Variants in SYN2 observed in about 807,000 individuals in gnomAD.
The protein encoded by SYN2 is synapsin II.
Under a neutral mutation model 50.9 loss-of-function variants are expected in SYN2, and 19 were observed. That is an observed-to-expected ratio of 0.37 (90% CI 0.26 to 0.55). The LOEUF (loss-of-function observed/expected upper bound fraction) is 0.55. SYN2 is among the 20% of genes least tolerant of loss of function. The pLI, the probability that SYN2 is intolerant of heterozygous loss-of-function variation, is 0.81. For synonymous variants in SYN2, 255 were observed against 224.9 expected (o/e 1.13, Z -1.20); for missense variants, 587 against 576.4 (o/e 1.02, Z -0.19).
intron 1 of SYN2, among the ~76,000 whole-genome samples, chr3:12,107,095 T>C (rs889771295): frequency 2.0e-5 from 3 of 152,118 alleles, no homozygotes; most frequent in Admixed American, 6.5e-5. Flanking sequence ...GTGCTGCTAT[T>C]TCCTATACTG....
chr3:12,125,738 A>C (rs1374101581), intron 1 of SYN2, among the ~76,000 whole-genome samples: 2 of 152,162 alleles, frequency 1.3e-5, no homozygotes, highest in Non-Finnish European at 2.9e-5. Flanking sequence ...GGACATGGAC[A>C]AGAAAGAAGC....
At chr3:12,005,574 AAT>A (rs1491558070) in intron 1 of SYN2, among the ~76,000 whole-genome samples, 2 of 44,000 alleles carry the variant, frequency 4.5e-5, no homozygotes, top group Non-Finnish European at 7.3e-5. Context: ...GGACGTGTGG[AAT>A]TTTTTTTTTT....
chr3:12,139,098 G>A (rs983039933), intron 1 of SYN2, among the ~76,000 whole-genome samples: 3 of 152,286 alleles, frequency 2.0e-5, no homozygotes, highest in East Asian at 1.9e-4. Flanking sequence ...GCAGAGGTGG[G>A]GGGTGGACTT....
Position 12,185,027 on chromosome 3 carries a change from T to G in SYN2, c.1369+1655T>G, listed in dbSNP as rs1698309474. On this transcript the variant is annotated intron_variant, in intron 11 of 12. Coordinates refer to ENST00000621198, the MANE Select transcript of SYN2 (RefSeq NM_133625.6). ...CGTATCCAGGGGCTTGTGCCTTGGTTTCTCCTTTGATTGCTGGTAAATTCT... is the reference window on the plus strand; with the variant it reads ...CGTATCCAGGGGCTTGTGCCTTGGTGTCTCCTTTGATTGCTGGTAAATTCT... The G allele has an allele frequency of 3.0e-6, 3 of 985,738 alleles. No individual in the cohort carries two copies. In the African/African-American group the frequency reaches 5.2e-5, roughly 17 times the overall value. The allele number at this position is 985,738 out of a possible 1,614,324, so 61.1% of individuals were successfully genotyped here. A position where few individuals can be genotyped will look rare whatever the true frequency, so the allele number is the denominator to read the frequency against.
In SYN2 at chr3:12,022,902, C is replaced by T. The variant is rs189675407; in HGVS notation, c.377+17974C>T. On this transcript the variant is annotated intron_variant, in intron 1 of 12. Transcript: ENST00000621198. Reference sequence around the variant, plus strand: ...GAATATGGTGGTCTCAGGTAACATACTGGAGATTATAGCTGCAATATGAGA... The same window carrying T: ...GAATATGGTGGTCTCAGGTAACATATTGGAGATTATAGCTGCAATATGAGA... Among the ~76,000 whole-genome samples, 75 of 138,028 alleles carry T rather than the reference C, an allele frequency of 5.4e-4. 1 individual carries two copies. In the East Asian group the frequency reaches 0.015, roughly 27 times the overall value. The allele number at this position is 138,028 out of a possible 152,430, so 90.6% of individuals were successfully genotyped here.
chr3:12,087,352 C>CA (rs920750517), intron 1 of SYN2, among the ~76,000 whole-genome samples: 10 of 151,648 alleles, frequency 6.6e-5, no homozygotes, highest in Non-Finnish European at 1.3e-4. Context: ...ATAGAAATAG[C>CA]AAAAAAATCC....
chr3:12,071,021 T>C (rs1695340822), intron 1 of SYN2: 1 of 556,822 alleles, frequency 1.8e-6, no homozygotes, highest in Non-Finnish European at 3.6e-6. Context: ...GAGGCGCTGT[T>C]ATAGCTTTCC....
At chr3:12,162,962 C>G (rs1317298396) in intron 7 of SYN2, among the ~76,000 whole-genome samples, 1 of 152,110 alleles carries the variant, frequency 6.6e-6, no homozygotes, top group Non-Finnish European at 1.5e-5. Flanking sequence ...TACAGTGGGC[C>G]AGGCGCGGTG....
intron 1 of SYN2, among the ~76,000 whole-genome samples, chr3:12,105,606 G>T: frequency 6.6e-6 from 1 of 151,492 alleles, no homozygotes; most frequent in East Asian, 2.0e-4. Context: ...TAAAGAAGGA[G>T]AACATCAGAA....
chr3:12,030,170 T>C (rs1165185231), intron 1 of SYN2, among the ~76,000 whole-genome samples: 22 of 104,356 alleles, frequency 2.1e-4, no homozygotes, highest in Non-Finnish European at 3.3e-4. Flanking sequence ...GTTTATATGC[T>C]GGATTACATT....
chr3:12,176,316 T>G (rs1391149878), intron 10 of SYN2, among the ~76,000 whole-genome samples: 1 of 152,216 alleles, frequency 6.6e-6, no homozygotes, highest in East Asian at 1.9e-4. Context: ...GGCTAATGTT[T>G]TTTTCATTTC....
At chr3:12,073,709 T>C (rs1342591660) in intron 1 of SYN2, among the ~76,000 whole-genome samples, 3 of 152,234 alleles carry the variant, frequency 2.0e-5, no homozygotes, top group African/African-American at 7.2e-5. Context: ...ATTTATGTTA[T>C]AAGTGCATTG....
intron 1 of SYN2, among the ~76,000 whole-genome samples, chr3:12,074,519 A>G (rs1014032554): frequency 2.0e-5 from 3 of 152,182 alleles, no homozygotes; most frequent in Admixed American, 6.5e-5. Flanking sequence ...CAGTTGACTT[A>G]AAGTCCAAAT....
At chr3:12,036,096 C>T (rs913074806) in intron 1 of SYN2, among the ~76,000 whole-genome samples, 2 of 152,148 alleles carry the variant, frequency 1.3e-5, no homozygotes, top group Non-Finnish European at 2.9e-5. Flanking sequence ...AAAGATTTTA[C>T]TTCATTTCCA....
At chr3:12,091,265 A>AT (rs1025467173) in intron 1 of SYN2, among the ~76,000 whole-genome samples, 3 of 152,110 alleles carry the variant, frequency 2.0e-5, no homozygotes, top group East Asian at 1.9e-4. Context: ...GAGGATATGT[A>AT]TTTTTTTTCT....
intron 1 of SYN2, among the ~76,000 whole-genome samples, chr3:12,121,222 T>C (rs918716675): frequency 1.3e-5 from 2 of 152,196 alleles, no homozygotes; most frequent in Non-Finnish European, 2.9e-5. Context: ...CATCCTAGAG[T>C]GTACCTGTCT....
chr3:12,080,561 C>T (rs1293269151), intron 1 of SYN2, among the ~76,000 whole-genome samples: 1 of 151,956 alleles, frequency 6.6e-6, no homozygotes, highest in Non-Finnish European at 1.5e-5. Context: ...TATTATTTAC[C>T]CAGGAGTCTA....
rs1000866187 is a variant in SYN2 at position 12,021,313 on chromosome 3, G to A, written c.377+16385G>A. 3.0e-4 allele frequency among the ~76,000 whole-genome samples: 45 copies of A among 152,130 alleles called. 1 individual carries two copies. Among genetic ancestry groups the A allele is most frequent in the African/African-American group, 1.0e-3 (43 of 41,510 alleles). On this transcript the variant is annotated intron_variant, in intron 1 of 12. Transcript: ENST00000621198. The stretch of plus-strand genomic sequence containing the variant: ...AATATCTGAAAAGATTCTATGAAAG[G>A]TTTTTTTCTATTATATTTGCAGTCT...
chr3:12,083,246 A>G (rs1007816511), intron 1 of SYN2, among the ~76,000 whole-genome samples: 1 of 152,232 alleles, frequency 6.6e-6, no homozygotes, highest in Non-Finnish European at 1.5e-5. Context: ...TCCTGACCTC[A>G]GGTGATCTGC....
Sources: allele counts gnomAD v4.1 joint callset (sites outside exome capture counted in the v4.1 genomes callset), GRCh38; gene constraint gnomAD v4.1.1; transcripts MANE v1.5; gene names NCBI Gene and HGNC (gene_info 2026-07-23, HGNC 2026-07-21).